The following GALNT14 variants were observed in gnomAD, a reference collection of about 807,000 sequenced individuals.
GALNT14 encodes the protein polypeptide N-acetylgalactosaminyltransferase 14, also known as UDP-GalNAc:polypeptide N-acetylgalactosaminyltransferase 14.
Under a neutral mutation model 77.5 loss-of-function variants are expected in GALNT14, and 60 were observed. The observed-to-expected ratio is 0.77, with a 90% CI of 0.63 to 0.96. The LOEUF (loss-of-function observed/expected upper bound fraction) is 0.96, where lower values mean the gene tolerates loss of function less well. Among genes scored for constraint, GALNT14 ranks in the 40% least tolerant of loss-of-function variants. The pLI, the probability that GALNT14 is intolerant of heterozygous loss-of-function variation, is 0.00. For missense variants in GALNT14, 710 were observed against 731.0 expected, an observed-to-expected ratio of 0.97 and a Z score of 0.33; for synonymous variants, 280 against 281.7, an observed-to-expected ratio of 0.99 and a Z score of 0.06.
intron 9 of GALNT14, 52 bp from the exon 10 acceptor site, chr2:30,932,246 T>G: frequency 7.2e-7 from 1 of 1,383,814 alleles, no homozygotes; most frequent in Non-Finnish European, 9.4e-7. Context: ...CTGCTGCAGC[T>G]TTGAGGCCCC....
intron 1 of GALNT14, among the ~76,000 whole-genome samples, chr2:31,123,758 G>A (rs954821620): frequency 1.3e-5 from 2 of 152,120 alleles, no homozygotes; most frequent in South Asian, 2.1e-4. Context: ...GCAGAACAAC[G>A]CCTGGTAAAT....
intron 1 of GALNT14, among the ~76,000 whole-genome samples, chr2:31,137,327 C>T (rs989376759): frequency 6.6e-6 from 1 of 152,212 alleles, no homozygotes; most frequent in Non-Finnish European, 1.5e-5. Context: ...CACTTGGATT[C>T]CCATTTCCTC....
chr2:30,912,720 C>T (rs942440312), intron 13 of GALNT14, among the ~76,000 whole-genome samples: 5 of 152,174 alleles, frequency 3.3e-5, no homozygotes, highest in African/African-American at 9.7e-5. Context: ...ACATTTCAAG[C>T]AGCCATCTAG....
chr2:30,989,811 G>T (rs1196792068), intron 2 of GALNT14, among the ~76,000 whole-genome samples: 1 of 150,658 alleles, frequency 6.6e-6, no homozygotes, highest in East Asian at 2.0e-4. Flanking sequence ...GGAAACTGAG[G>T]TACAGAGAAG....
intron 3 of GALNT14, among the ~76,000 whole-genome samples, chr2:30,962,361 C>T (rs1283182267): frequency 6.6e-6 from 1 of 152,208 alleles, no homozygotes; most frequent in Non-Finnish European, 1.5e-5. Flanking sequence ...TCTTAACCAC[C>T]TTACTCTGAG....
chr2:30,911,173 C>T (rs555116095), intron 14 of GALNT14, 114 bp from the exon 15 acceptor site: 11 of 923,604 alleles, frequency 1.2e-5, no homozygotes, highest in Non-Finnish European at 1.8e-5. Flanking sequence ...GACTTGATTT[C>T]ATGGTTTCAT....
At chr2:30,998,210 G>A (rs755101275) in intron 1 of GALNT14, among the ~76,000 whole-genome samples, 2 of 152,172 alleles carry the variant, frequency 1.3e-5, no homozygotes, top group Non-Finnish European at 2.9e-5. Context: ...ACTAAAGCTC[G>A]ATGGCACATC....
chr2:31,068,444 G>A (rs745558950), intron 1 of GALNT14, among the ~76,000 whole-genome samples: 5 of 147,596 alleles, frequency 3.4e-5, no homozygotes, highest in Admixed American at 6.9e-5. Context: ...CCCAGATTGC[G>A]CCACTGCACT....
At chr2:31,075,822 G>A (rs1270599526) in intron 1 of GALNT14, among the ~76,000 whole-genome samples, 3 of 152,216 alleles carry the variant, frequency 2.0e-5, no homozygotes, top group Admixed American at 2.0e-4. Context: ...CCCATGCTGG[G>A]CTTTGCGACT....
At chr2:31,085,119 G>A (rs1676362569) in intron 1 of GALNT14, among the ~76,000 whole-genome samples, 1 of 152,090 alleles carries the variant, frequency 6.6e-6, no homozygotes. Flanking sequence ...AAGCACATTT[G>A]CTAAGCTGCC....
intron 1 of GALNT14, among the ~76,000 whole-genome samples, chr2:31,007,014 G>C (rs1334058576): frequency 6.6e-6 from 1 of 152,208 alleles, no homozygotes; most frequent in Non-Finnish European, 1.5e-5. Flanking sequence ...TAGGTCAGCT[G>C]CTGAATATGT....
At chr2:31,100,350 C>G (rs1677205135) in intron 1 of GALNT14, among the ~76,000 whole-genome samples, 1 of 151,982 alleles carries the variant, frequency 6.6e-6, no homozygotes, top group African/African-American at 2.4e-5. Flanking sequence ...ATGTTGAGGA[C>G]TTACTGTATT....
chr2:31,116,571 A>T (rs1206879149), intron 1 of GALNT14, among the ~76,000 whole-genome samples: 2 of 152,210 alleles, frequency 1.3e-5, no homozygotes, highest in Non-Finnish European at 2.9e-5. Flanking sequence ...CTAAAATATT[A>T]TAAAGCCAAA....
intron 1 of GALNT14, among the ~76,000 whole-genome samples, chr2:31,061,320 G>A (rs1023037371): frequency 4.6e-5 from 7 of 151,802 alleles, no homozygotes; most frequent in Non-Finnish European, 5.9e-5. Context: ...TCTCTTTCTC[G>A]ACCATCAAAT....
intron 1 of GALNT14, among the ~76,000 whole-genome samples, chr2:30,998,728 C>G (rs1180049268): frequency 6.6e-6 from 1 of 152,186 alleles, no homozygotes; most frequent in Non-Finnish European, 1.5e-5. Context: ...TGTCTGATAT[C>G]ACACAGCTTG....
intron 1 of GALNT14, among the ~76,000 whole-genome samples, chr2:31,075,655 G>A (rs1003407901): frequency 6.6e-6 from 1 of 152,194 alleles, no homozygotes; most frequent in African/African-American, 2.4e-5. Context: ...CTGCTCCTCC[G>A]TGCTCACGGG....
intron 1 of GALNT14, among the ~76,000 whole-genome samples, chr2:31,048,743 C>A (rs1489948084): frequency 6.6e-6 from 1 of 152,130 alleles, no homozygotes; most frequent in Non-Finnish European, 1.5e-5. Context: ...GCCAGGAGCT[C>A]TATGTGACCC....
intron 1 of GALNT14, among the ~76,000 whole-genome samples, chr2:31,083,634 T>A (rs1289664449): frequency 6.6e-6 from 1 of 152,172 alleles, no homozygotes; most frequent in Non-Finnish European, 1.5e-5. Context: ...TCAATCTATA[T>A]GCACAGTATC....
At chr2:30,936,982 G>A (rs779847041) in intron 9 of GALNT14, among the ~76,000 whole-genome samples, 5 of 152,202 alleles carry the variant, frequency 3.3e-5, no homozygotes, top group Non-Finnish European at 7.3e-5. Context: ...GCCTCAGGGG[G>A]TCTCCCTTGG....
Sources: allele counts gnomAD v4.1 joint callset (sites outside exome capture counted in the v4.1 genomes callset), GRCh38; gene constraint gnomAD v4.1.1; transcripts MANE v1.5; gene names NCBI Gene and HGNC (gene_info 2026-07-23, HGNC 2026-07-21).